Variants in HMGXB4 observed in about 807,000 individuals in gnomAD.
HMGXB4 encodes the protein HMG domain-containing protein 4.
HMGXB4 carries 27 observed loss-of-function variants against 63.9 expected under a neutral mutation model. The ratio of observed to expected loss-of-function variants is 0.42; its 90% CI spans 0.31 to 0.58. HMGXB4 has a LOEUF of 0.58. HMGXB4 is among the 20% of genes least tolerant of loss of function. The pLI, the probability that HMGXB4 is intolerant of heterozygous loss-of-function variation, is 0.13. For missense variants in HMGXB4, 624 were observed against 700.7 expected, an observed-to-expected ratio of 0.89 and a Z score of 1.24; for synonymous variants, 264 against 265.3, an observed-to-expected ratio of 0.99 and a Z score of 0.05.
At chr22:35,281,684 G>T (rs963364051) in intron 5 of HMGXB4, among the ~76,000 whole-genome samples, 2 of 152,190 alleles carry the variant, frequency 1.3e-5, no homozygotes, top group Non-Finnish European at 2.9e-5. Context: ...GAGATTGATT[G>T]TACAGTTGGG....
chr22:35,262,731 C>A, intron 2 of HMGXB4: 1 of 518,516 alleles, frequency 1.9e-6, no homozygotes, highest in South Asian at 2.4e-5. Context: ...ACATCCTGGA[C>A]TCCCACAGAG....
chr22:35,241,728 G>A, the HMGXB4 span, among the ~76,000 whole-genome samples: 1 of 152,182 alleles, frequency 6.6e-6, no homozygotes, highest in African/African-American at 2.4e-5. Context: ...CGGGAGAGGG[G>A]GGTCTCCCTT....
intron 5 of HMGXB4, among the ~76,000 whole-genome samples, chr22:35,280,608 A>G (rs1002551351): frequency 2.6e-5 from 4 of 152,282 alleles, no homozygotes; most frequent in Middle Eastern, 3.4e-3. Flanking sequence ...TTTGTTCTCC[A>G]TAGTCCTTAA....
At position 35,287,332 on chromosome 22, in the gene HMGXB4, C is replaced by T. The variant is rs200403237; in HGVS notation, c.1363-15C>T. 9.5e-4 allele frequency: 1,501 copies of T among 1,583,480 alleles called. 3 individuals are homozygous for T. Among genetic ancestry groups the T allele is most frequent in the Non-Finnish European group, 1.2e-3 (1,423 of 1,154,162 alleles). On this transcript the variant is annotated splice_polypyrimidine_tract_variant and intron_variant, in intron 7 of 10. Transcript: ENST00000216106. ...CCTTCTTAATTTAATTTAATGTTCA[C>T]TGATGTGATTGCAGATTTGGAAGCA...
At chr22:35,254,996 C>T (rs1922329299), upstream of HMGXB4, among the ~76,000 whole-genome samples, 1 of 152,150 alleles carries the variant, frequency 6.6e-6, no homozygotes, top group Non-Finnish European at 1.5e-5. Context: ...CTAACATGCA[C>T]TCACCCTTCT....
chr22:35,248,928 G>A, the HMGXB4 span, among the ~76,000 whole-genome samples: 1 of 152,208 alleles, frequency 6.6e-6, no homozygotes, highest in African/African-American at 2.4e-5. Context: ...GAGCCTGCAG[G>A]ACTGGAAGTT....
In HMGXB4 at chr22:35,264,717, T is replaced by TG; in HGVS notation, c.331dup (p.Asp111GlyfsTer34). ...AGCCCACAGTCTACTGATACAGCTATGGACCTGTTGAAAGCTATCACTTCC... is the reference window on the plus strand; with the variant it reads ...AGCCCACAGTCTACTGATACAGCTATGGGACCTGTTGAAAGCTATCACTTCC... On this transcript the variant is annotated frameshift_variant, in exon 5 of 11. Coordinates refer to ENST00000216106, the MANE Select transcript of HMGXB4 (RefSeq NM_001003681.3). LOFTEE classifies it high-confidence loss of function. The TG allele has an allele frequency of 6.2e-7, 1 of 1,613,754 alleles. No individual in the cohort carries two copies. The highest frequency in any genetic ancestry group is 8.5e-7 in the Non-Finnish European group (1 of 1,179,658).
At chr22:35,247,651 C>T in the HMGXB4 span, among the ~76,000 whole-genome samples, 2 of 152,046 alleles carry the variant, frequency 1.3e-5, no homozygotes, top group African/African-American at 4.8e-5. Context: ...CCAAGGCAGC[C>T]ATAGTTTGTC....
chr22:35,263,257 C>G, intron 3 of HMGXB4, 31 bp downstream of exon 3: 2 of 1,518,320 alleles, frequency 1.3e-6, no homozygotes, highest in Non-Finnish European at 1.8e-6. Flanking sequence ...TTAGGAAAGT[C>G]TTAAACTACT....
rs143790892 is a variant in HMGXB4 at position 35,280,116 on chromosome 22, A to G, written c.1216-3846A>G. ...TTGACTAACTCAGAGTCAACTCACTAGAGACCTTAAGTGCATCTGCAAAAT... is the reference window on the plus strand; with the variant it reads ...TTGACTAACTCAGAGTCAACTCACTGGAGACCTTAAGTGCATCTGCAAAAT... On this transcript the variant is annotated intron_variant, in intron 5 of 10. Coordinates refer to ENST00000216106, the MANE Select transcript of HMGXB4 (RefSeq NM_001003681.3). Among the ~76,000 whole-genome samples, 132 of 148,230 alleles carry G rather than the reference A, an allele frequency of 8.9e-4. 1 individual carries two copies. The East Asian group carries it at 0.023, about 26-fold the overall frequency.
chr22:35,293,665 T>G lies in HMGXB4; in HGVS notation c.*14T>G. ...CCGGGACTGTGACAGCAAAGAATCC[T>G]GGGACAGAAACCTTATCCTACACCA... On this transcript the variant is annotated 3_prime_UTR_variant, in exon 11 of 11. Transcript: ENST00000216106. 1 of 1,599,428 alleles carries G rather than the reference T, an allele frequency of 6.3e-7. No homozygotes were observed. Among genetic ancestry groups the G allele is most frequent in the South Asian group, 1.1e-5 (1 of 90,750 alleles).
In HMGXB4 at chr22:35,285,987, T is replaced by A; in HGVS notation, c.1298-10T>A. 2 of 1,604,716 alleles carry A rather than the reference T, an allele frequency of 1.2e-6. No individual in the cohort carries two copies. The highest frequency in any genetic ancestry group is 1.7e-6 in the Non-Finnish European group (2 of 1,176,064). On this transcript the variant is annotated splice_polypyrimidine_tract_variant and intron_variant, in intron 6 of 10. Coordinates refer to ENST00000216106, the MANE Select transcript of HMGXB4 (RefSeq NM_001003681.3). Reference sequence around the variant, plus strand: ...TTTACTGTATTGAGTGTTTTACTCTTTTATGCCAGATTTTGGGGAACTTAG... The same window carrying A: ...TTTACTGTATTGAGTGTTTTACTCTATTATGCCAGATTTTGGGGAACTTAG...
the HMGXB4 span, among the ~76,000 whole-genome samples, chr22:35,250,551 A>T: frequency 6.6e-6 from 1 of 152,158 alleles, no homozygotes; most frequent in African/African-American, 2.4e-5. Context: ...AACACCTCCC[A>T]CTAGGTCCAC....
intron 2 of HMGXB4, 179 bp from the exon 3 acceptor site, chr22:35,262,899 C>A: frequency 1.6e-6 from 1 of 627,706 alleles, no homozygotes. Flanking sequence ...CTTGTATTTG[C>A]AGCTAGGTCA....
intron 5 of HMGXB4, among the ~76,000 whole-genome samples, chr22:35,282,331 C>T (rs1043584902): frequency 6.6e-6 from 1 of 152,156 alleles, no homozygotes; most frequent in Non-Finnish European, 1.5e-5. Flanking sequence ...CGCCCACCAC[C>T]ATGCCCGGCT....
At chr22:35,261,212 TG>T (rs1481789190) in intron 1 of HMGXB4, among the ~76,000 whole-genome samples, 1 of 152,000 alleles carries the variant, frequency 6.6e-6, no homozygotes, top group African/African-American at 2.4e-5. Context: ...CCGAGGTGGG[TG>T]GATCACGAGG....
intron 5 of HMGXB4, among the ~76,000 whole-genome samples, chr22:35,275,092 A>C (rs1480975917): frequency 6.9e-6 from 1 of 144,898 alleles, no homozygotes; most frequent in African/African-American, 2.6e-5. Context: ...CGTACGTAGT[A>C]TTAACATCAC....
chr22:35,268,287 C>T (rs1255790542), intron 5 of HMGXB4, among the ~76,000 whole-genome samples: 2 of 152,130 alleles, frequency 1.3e-5, no homozygotes, highest in African/African-American at 2.4e-5. Context: ...CCAGTCTTAT[C>T]GTTCACTTTT....
Position 35,265,289 on chromosome 22 carries a change from G to T in HMGXB4, c.901G>T (p.Glu301Ter). Reference protein sequence around the residue: ...LVESDSSSGGELEAGELVIDD... With the variant: ...LVESDSSSGG ...AGAATCAGACTCATCCTCTGGTGGG[G>T]AACTAGAGGCTGGGGAGTTAGTGAT... The change falls in exon 5 of 11, where the codon GAA becomes TAA. Residue 301 changes from glutamate to a stop codon, truncating the protein, a stop_gained. Transcript: ENST00000216106. LOFTEE classifies it high-confidence loss of function. The T allele has an allele frequency of 1.2e-6, 2 of 1,613,986 alleles. No individual in the cohort carries two copies. Among genetic ancestry groups the T allele is most frequent in the Non-Finnish European group, 1.7e-6 (2 of 1,179,956 alleles).
Sources: allele counts gnomAD v4.1 joint callset (sites outside exome capture counted in the v4.1 genomes callset), GRCh38; gene constraint gnomAD v4.1.1; transcripts MANE v1.5; gene names NCBI Gene and HGNC (gene_info 2026-07-23, HGNC 2026-07-21).